The following INHBC variants were observed in gnomAD, a reference collection of about 807,000 sequenced individuals.
The protein encoded by INHBC is inhibin beta C chain.
A neutral mutation model predicts 12.4 loss-of-function variants in INHBC; 10 were observed. The ratio of observed to expected loss-of-function variants is 0.81; its 90% confidence interval spans 0.50 to 1.37. The LOEUF (loss-of-function observed/expected upper bound fraction) is 1.37, where lower values mean the gene tolerates loss of function less well. INHBC is among the 40% of genes most tolerant of loss of function. INHBC has a pLI of 0.00. For missense variants in INHBC, 382 were observed against 439.4 expected (o/e 0.87, Z 1.17); for synonymous variants, 147 against 171.6 (o/e 0.86, Z 1.12).
At chr12:57,445,650 A>T (rs967387743) in intron 1 of INHBC, among the ~76,000 whole-genome samples, 1 of 149,112 alleles carries the variant, frequency 6.7e-6, no homozygotes, top group African/African-American at 2.5e-5. Context: ...GCACTTTGGG[A>T]GGCCAAGGTG....
At chr12:57,440,433 A>G (rs1231700100) in intron 1 of INHBC, among the ~76,000 whole-genome samples, 1 of 150,420 alleles carries the variant, frequency 6.6e-6, no homozygotes, top group East Asian at 2.0e-4. Flanking sequence ...CCCGGGTTCA[A>G]GCGATTCTTT....
chr12:57,435,091 A>G lies in INHBC; in HGVS notation c.205A>G (p.Arg69Gly). 1 of 1,614,212 alleles carries G rather than the reference A, an allele frequency of 6.2e-7. No individual in the cohort carries two copies. The highest frequency in any genetic ancestry group is 8.5e-7 in the Non-Finnish European group (1 of 1,180,030). The change falls in exon 1 of 2, where the codon AGA (arginine) becomes GGA (glycine). Residue 69 changes from arginine (R) to glycine (G), a missense_variant. Physicochemically the swap from Arg to Gly is moderately radical, Grantham distance 125. Transcript: ENST00000309668. ...QRPTLNRPVS[R>G]AALRTALQHL... Reference sequence around the variant, plus strand: ...CCCAACACTGAACCGCCCTGTGTCCAGAGCTGCTTTGAGGACTGCACTGCA... The same window carrying G: ...CCCAACACTGAACCGCCCTGTGTCCGGAGCTGCTTTGAGGACTGCACTGCA...
At chr12:57,447,572 G>C (rs553680743) in intron 1 of INHBC, among the ~76,000 whole-genome samples, 43 of 151,066 alleles carry the variant, frequency 2.8e-4, no homozygotes, top group Admixed American at 6.0e-4. Flanking sequence ...TTATTTTTCA[G>C]GTTGAAAAAA....
Position 57,434,836 on chromosome 12 carries a change from T to G in INHBC, c.-51T>G. Reference sequence around the variant, plus strand: ...AGGACAGAGTTGAGACCACAGCTGTTGAGACCCTGAGCCCTGAGTCTGTAT... The same window carrying G: ...AGGACAGAGTTGAGACCACAGCTGTGGAGACCCTGAGCCCTGAGTCTGTAT... On this transcript the variant is annotated 5_prime_UTR_variant, in exon 1 of 2. Coordinates refer to ENST00000309668, the MANE Select transcript of INHBC (RefSeq NM_005538.4). 7.4e-5 allele frequency: 113 copies of G among 1,528,670 alleles called. No individual in the cohort carries two copies. Among genetic ancestry groups the G allele is most frequent in the Non-Finnish European group, 9.5e-5 (107 of 1,123,126 alleles). The allele number at this position is 1,528,670 out of a possible 1,614,324, so 94.7% of individuals were successfully genotyped here. A position where few individuals can be genotyped will look rare whatever the true frequency, so the allele number is the denominator to read the frequency against.
intron 1 of INHBC, among the ~76,000 whole-genome samples, chr12:57,448,030 A>G (rs1331741081): frequency 1.3e-5 from 2 of 149,858 alleles, no homozygotes; most frequent in Non-Finnish European, 3.0e-5. Context: ...GGGTCTTGCC[A>G]TGTTGCCTGG....
chr12:57,435,678 A>G (rs904251202), intron 1 of INHBC, among the ~76,000 whole-genome samples: 3 of 152,136 alleles, frequency 2.0e-5, no homozygotes, highest in African/African-American at 7.2e-5. Flanking sequence ...ATGTTCCCAT[A>G]TATACCTCAG....
intron 1 of INHBC, among the ~76,000 whole-genome samples, chr12:57,435,837 T>A (rs1389858553): frequency 6.6e-6 from 1 of 150,588 alleles, no homozygotes; most frequent in Non-Finnish European, 1.5e-5. Flanking sequence ...CTGAGCAACA[T>A]AGCAAGACCC....
chr12:57,449,237 G>A (rs1186689976), intron 1 of INHBC, 40 bp from the exon 2 acceptor site: 1 of 1,572,392 alleles, frequency 6.4e-7, no homozygotes, highest in Admixed American at 1.9e-5. Context: ...AGAACTGACA[G>A]TCAGAAGGCC....
chr12:57,444,603 A>T (rs1166147896), intron 1 of INHBC, among the ~76,000 whole-genome samples: 1 of 151,830 alleles, frequency 6.6e-6, no homozygotes, highest in African/African-American at 2.4e-5. Context: ...ACAAACAGTT[A>T]AGCAGGATGA....
chr12:57,449,597 C>G lies in INHBC; in HGVS notation c.634C>G (p.Leu212Val). 6.2e-7 allele frequency: 1 copy of G among 1,614,226 alleles called. No individual in the cohort carries two copies. The highest frequency in any genetic ancestry group is 8.5e-7 in the Non-Finnish European group (1 of 1,180,026). Residue 212 changes from leucine to valine, a missense_variant, in exon 2 of 2, where the codon CTG becomes GTG. Leu to Val is a conservative substitution (Grantham distance 32, BLOSUM62 1). Transcript: ENST00000309668. ...CCAGGTAGCCCAGAGCTCAGTCATC[C>G]TGGGTGGAGCTGCCCATAGGCCTTT... ...EGQVAQSSVI[L>V]GGAAHRPFVA... is the part of the protein sequence containing the mutation.
At chr12:57,436,331 A>AT (rs1482226425) in intron 1 of INHBC, among the ~76,000 whole-genome samples, 1 of 147,358 alleles carries the variant, frequency 6.8e-6, no homozygotes, top group Admixed American at 6.8e-5. Flanking sequence ...TACCCGGCTA[A>AT]TTTTTGTATT....
At chr12:57,445,002 T>C (rs1049782118) in intron 1 of INHBC, among the ~76,000 whole-genome samples, 1 of 152,076 alleles carries the variant, frequency 6.6e-6, no homozygotes, top group African/African-American at 2.4e-5. Flanking sequence ...TTAGATAGAT[T>C]AGGAAGGAAG....
chr12:57,438,534 G>A (rs879801982), intron 1 of INHBC, among the ~76,000 whole-genome samples: 1 of 152,194 alleles, frequency 6.6e-6, no homozygotes, highest in Non-Finnish European at 1.5e-5. Context: ...TTTCTTTAGA[G>A]AATGGTGGCC....
chr12:57,443,957 T>C (rs1432061203), intron 1 of INHBC, among the ~76,000 whole-genome samples: 1 of 151,974 alleles, frequency 6.6e-6, no homozygotes, highest in Non-Finnish European at 1.5e-5. Flanking sequence ...CTCGGCTAAT[T>C]TTTGTATGTT....
chr12:57,448,675 A>C (rs1288744572), intron 1 of INHBC, among the ~76,000 whole-genome samples: 1 of 152,160 alleles, frequency 6.6e-6, no homozygotes, highest in Non-Finnish European at 1.5e-5. Context: ...ACCTTGGAAA[A>C]CTCTGATATT....
At position 57,434,950 on chromosome 12, in the gene INHBC, G is replaced by C; in HGVS notation, c.64G>C (p.Ala22Pro). 2 of 1,614,200 alleles carry C rather than the reference G, an allele frequency of 1.2e-6. No homozygotes were observed. The highest frequency in any genetic ancestry group is 1.7e-6 in the Non-Finnish European group (2 of 1,180,034). ...LAPTTVATPRAGGQCPACGGP... is the reference protein window; with the variant it reads ...LAPTTVATPRPGGQCPACGGP... ...TCCAACCACAGTGGCCACTCCCAGA[G>C]CTGGCGGTCAGTGTCCAGCATGTGG... The change falls in exon 1 of 2, where the codon GCT becomes CCT. Residue 22 changes from alanine (A) to proline (P), a missense_variant. Coordinates refer to ENST00000309668, the MANE Select transcript of INHBC (RefSeq NM_005538.4).
intron 1 of INHBC, 147 bp from the exon 2 acceptor site, chr12:57,449,129 AT>A: frequency 1.8e-6 from 2 of 1,086,576 alleles, no homozygotes; most frequent in Non-Finnish European, 2.6e-6. Context: ...TGGAGGTCCA[AT>A]TTCCAGCACA....
intron 1 of INHBC, among the ~76,000 whole-genome samples, chr12:57,447,586 A>T (rs1226200481): frequency 2.0e-5 from 3 of 151,196 alleles, no homozygotes. Context: ...GAAAAAATTG[A>T]TTAAAAAAAA....
At chr12:57,441,320 CT>C (rs1392190746) in intron 1 of INHBC, among the ~76,000 whole-genome samples, 1 of 138,794 alleles carries the variant, frequency 7.2e-6, no homozygotes, top group Non-Finnish European at 1.5e-5. Context: ...TGCCATTGCA[CT>C]CCAGCCTGGG....
Sources: allele counts gnomAD v4.1 joint callset (sites outside exome capture counted in the v4.1 genomes callset), GRCh38; gene constraint gnomAD v4.1.1; transcripts MANE v1.5; gene names NCBI Gene and HGNC (gene_info 2026-07-23, HGNC 2026-07-21).